TENM2: variants seen among roughly 807,000 people sequenced by gnomAD.
TENM2 encodes teneurin transmembrane protein 2.
TENM2 carries 52 observed loss-of-function variants against 245.2 expected under a neutral mutation model. The observed-to-expected ratio is 0.21, with a 90% CI of 0.17 to 0.27. TENM2 has a LOEUF of 0.27. Ranked by LOEUF, TENM2 falls within the 10% of genes least tolerant of loss-of-function variation. The pLI is 1.00. For synonymous variants in TENM2, 1,363 were observed against 1,438.9 expected, an observed-to-expected ratio of 0.95 and a Z score of 1.19; for missense variants, 3,046 against 3,666.8, an observed-to-expected ratio of 0.83 and a Z score of 4.37.
intron 3 of TENM2, among the ~76,000 whole-genome samples, chr5:167,905,725 A>T (rs1776040727): frequency 1.3e-5 from 2 of 152,228 alleles, no homozygotes; most frequent in African/African-American, 2.4e-5. Flanking sequence ...AGAAATAATA[A>T]TGTGTAATTG....
chr5:167,470,454 C>CTTGTTTTTTTTTTTTTTTTTTTTTTT (rs1766940200), intron 2 of TENM2, among the ~76,000 whole-genome samples: 1 of 47,394 alleles, frequency 2.1e-5, no homozygotes, highest in Non-Finnish European at 3.6e-5. Flanking sequence ...GCAATGCTTG[C>CTTGTTTTTTTTTTTTTTTTTTTTTTT]TTTTTTTTTT....
intron 2 of TENM2, among the ~76,000 whole-genome samples, chr5:167,394,572 G>T (rs896602780): frequency 7.2e-6 from 1 of 138,436 alleles, no homozygotes; most frequent in African/African-American, 2.9e-5. Context: ...ATAAATGTAT[G>T]TATGTATTTA....
chr5:168,238,239 G>GAAAAGAA (rs1765738562), intron 25 of TENM2, among the ~76,000 whole-genome samples: 1 of 117,472 alleles, frequency 8.5e-6, no homozygotes, highest in Non-Finnish European at 1.8e-5. Flanking sequence ...GAAAAGAAAA[G>GAAAAGAA]AAAAGAAAAG....
chr5:167,558,990 C>A (rs779605861), intron 2 of TENM2, among the ~76,000 whole-genome samples: 3 of 152,220 alleles, frequency 2.0e-5, no homozygotes, highest in Non-Finnish European at 4.4e-5. Context: ...CTCAGCTAGC[C>A]CCTGAGGACA....
chr5:167,238,078 T>C, the TENM2 span, among the ~76,000 whole-genome samples: 1 of 150,306 alleles, frequency 6.7e-6, no homozygotes, highest in Non-Finnish European at 1.5e-5. Flanking sequence ...GTATGGAATG[T>C]ACAGACATTA....
chr5:168,193,024 A>G lies in TENM2; in HGVS notation c.2781-2152A>G, dbSNP rs377374650. Among the ~76,000 whole-genome samples, 188 of 152,328 alleles carry G rather than the reference A, an allele frequency of 1.2e-3. 6 individuals are homozygous for G. The South Asian group carries it at 0.038, about 31-fold the overall frequency. ...CCAGAAGGCACCTTGAGCTAGAGCC[A>G]AAATACAGGTGAACAGTCAGGAACC... On this transcript the variant is annotated intron_variant, in intron 14 of 28. Coordinates refer to ENST00000518659, the Ensembl canonical transcript of TENM2.
At chr5:167,230,361 T>C in the TENM2 span, among the ~76,000 whole-genome samples, 1 of 152,196 alleles carries the variant, frequency 6.6e-6, no homozygotes, top group African/African-American at 2.4e-5. Context: ...CAAAACAGGC[T>C]GCCTCGCTTC....
chr5:167,160,816 C>T, the TENM2 span, among the ~76,000 whole-genome samples: 13 of 152,154 alleles, frequency 8.5e-5, no homozygotes, highest in African/African-American at 2.9e-4. Flanking sequence ...TCCCTCATGC[C>T]CAGCTAACAC....
At chr5:167,171,987 G>A in the TENM2 span, among the ~76,000 whole-genome samples, 806 of 152,262 alleles carry the variant, frequency 5.3e-3, 5 homozygotes, top group African/African-American at 0.018. Context: ...TACCCTGCAT[G>A]GATCATGACA....
In TENM2 at chr5:167,482,834, C is replaced by A. The variant is rs1315218402; in HGVS notation, c.502+107361C>A. ...TTGACATACAGTGCTTACTCAGTGT[C>A]TGACAACTAGTAAGAGCTCAATAAT... is the stretch of plus-strand genomic sequence containing the variant. On this transcript the variant is annotated intron_variant, in intron 2 of 28. Transcript: ENST00000518659. Among the ~76,000 whole-genome samples the A allele has an allele frequency of 2.0e-5, 3 of 152,196 alleles. No homozygotes were observed. In the East Asian group the frequency reaches 5.8e-4, roughly 29 times the overall value.
chr5:168,046,697 C>G (rs1241547407), intron 5 of TENM2, among the ~76,000 whole-genome samples: 1 of 152,138 alleles, frequency 6.6e-6, no homozygotes, highest in African/African-American at 2.4e-5. Context: ...AACTCTGTTT[C>G]ATTCCATACT....
chr5:167,765,236 A>G (rs530521398), intron 2 of TENM2, among the ~76,000 whole-genome samples: 44 of 152,322 alleles, frequency 2.9e-4, no homozygotes, highest in Middle Eastern at 3.4e-3. Context: ...ATTATTGTCA[A>G]TGTCAGAAGT....
the TENM2 span, among the ~76,000 whole-genome samples, chr5:167,080,459 CT>C: frequency 2.0e-5 from 3 of 152,066 alleles, no homozygotes; most frequent in Non-Finnish European, 4.4e-5. Context: ...AAAGATGTTC[CT>C]GAATGAATGA....
the TENM2 span, among the ~76,000 whole-genome samples, chr5:167,249,095 C>G: frequency 6.6e-6 from 1 of 152,130 alleles, no homozygotes; most frequent in Admixed American, 6.6e-5. Context: ...GGAAACCCAG[C>G]CAGCATCTTT....
At chr5:167,058,767 GA>G in the TENM2 span, among the ~76,000 whole-genome samples, 32 of 151,128 alleles carry the variant, frequency 2.1e-4, no homozygotes, top group Admixed American at 3.3e-4. Context: ...GGGGGGCGGG[GA>G]AAAAAAAGAA....
At chr5:168,062,971 T>C (rs1291069794) in intron 7 of TENM2, among the ~76,000 whole-genome samples, 2 of 152,154 alleles carry the variant, frequency 1.3e-5, no homozygotes, top group African/African-American at 4.8e-5. Context: ...AGCCACAGCA[T>C]TGTAAAATCA....
chr5:167,449,537 TA>T (rs1284623827), intron 2 of TENM2, among the ~76,000 whole-genome samples: 2 of 150,950 alleles, frequency 1.3e-5, no homozygotes, highest in Non-Finnish European at 3.0e-5. Context: ...GATAGATAGA[TA>T]GATAGATAGA....
At chr5:167,524,809 A>T (rs1005648619) in intron 2 of TENM2, among the ~76,000 whole-genome samples, 1 of 150,992 alleles carries the variant, frequency 6.6e-6, no homozygotes, top group African/African-American at 2.4e-5. Context: ...TGAGGATTAA[A>T]CCCCTCTCTT....
chr5:168,089,719 T>G (rs1792758587), intron 7 of TENM2, among the ~76,000 whole-genome samples: 2 of 152,200 alleles, frequency 1.3e-5, no homozygotes, highest in Non-Finnish European at 2.9e-5. Flanking sequence ...TCTCTGAGCC[T>G]CAGCTTTCTT....
Sources: gnomAD v4.1 joint callset for allele counts (sites outside exome capture counted in the v4.1 genomes callset) on GRCh38, gnomAD v4.1.1 for gene constraint, MANE v1.5 for transcripts, NCBI Gene and HGNC (gene_info 2026-07-23, HGNC 2026-07-21) for gene names.